Variants in ARHGAP22 observed in about 807,000 individuals in gnomAD.
The protein encoded by ARHGAP22 is rho GTPase-activating protein 22.
A neutral mutation model predicts 59.1 loss-of-function variants in ARHGAP22; 48 were observed. That is an observed-to-expected ratio of 0.81 (90% CI 0.64 to 1.03). The LOEUF is 1.03. Ranked by LOEUF, ARHGAP22 falls within the 50% of genes least tolerant of loss-of-function variation. The probability of loss-of-function intolerance (pLI) is 0.00; values close to 1 mark genes in which losing one functional copy is unlikely to be tolerated. For missense variants in ARHGAP22, 1,015 were observed against 958.7 expected, an observed-to-expected ratio of 1.06 and a Z score of -0.78; for synonymous variants, 445 against 416.4, an observed-to-expected ratio of 1.07 and a Z score of -0.84.
intron 3 of ARHGAP22, among the ~76,000 whole-genome samples, chr10:48,531,561 G>C (rs922310322): frequency 6.6e-6 from 1 of 152,180 alleles, no homozygotes; most frequent in Non-Finnish European, 1.5e-5. Flanking sequence ...CTGACAATGT[G>C]CCAGGCTAAG....
intron 2 of ARHGAP22, among the ~76,000 whole-genome samples, chr10:48,566,163 C>T (rs1420624856): frequency 3.3e-5 from 5 of 152,136 alleles, no homozygotes; most frequent in African/African-American, 7.2e-5. Flanking sequence ...TTCTTTTTAC[C>T]AAGTCTCCTG....
chr10:48,470,260 G>A (rs1589574688), intron 4 of ARHGAP22, among the ~76,000 whole-genome samples: 1 of 152,230 alleles, frequency 6.6e-6, no homozygotes, highest in Non-Finnish European at 1.5e-5. Flanking sequence ...AGTGTTGAAC[G>A]TTAGCGTCCT....
chr10:48,579,613 G>T (rs574366910), intron 2 of ARHGAP22, among the ~76,000 whole-genome samples: 1 of 152,322 alleles, frequency 6.6e-6, no homozygotes, highest in African/African-American at 2.4e-5. Flanking sequence ...CCAGCAAGAT[G>T]GGGAGAGGGG....
At chr10:48,581,850 G>A (rs967662448) in intron 2 of ARHGAP22, among the ~76,000 whole-genome samples, 6 of 152,182 alleles carry the variant, frequency 3.9e-5, no homozygotes, top group Admixed American at 6.5e-5. Flanking sequence ...TGGACAGAAC[G>A]AAGACAGAAA....
At chr10:48,584,276 G>A in intron 1 of ARHGAP22, among the ~76,000 whole-genome samples, 1 of 152,226 alleles carries the variant, frequency 6.6e-6, no homozygotes, top group South Asian at 2.1e-4. Context: ...ACTAGTGACT[G>A]CAGTTCTCTA....
At chr10:48,431,302 C>T in the ARHGAP22 span, 1 of 1,440,122 alleles carries the variant, frequency 6.9e-7, no homozygotes, top group Non-Finnish European at 9.7e-7. Flanking sequence ...GTTAAGATTA[C>T]AGTTTACTTC....
chr10:48,605,182 G>T, upstream of ARHGAP22: 1 of 1,119,592 alleles, frequency 8.9e-7, no homozygotes, highest in Non-Finnish European at 1.1e-6. Flanking sequence ...CCAGAGACGC[G>T]GGGCGCGGTC....
chr10:48,432,845 A>T, the ARHGAP22 span, among the ~76,000 whole-genome samples: 1 of 152,212 alleles, frequency 6.6e-6, no homozygotes, highest in African/African-American at 2.4e-5. Flanking sequence ...CTTTTTCTGG[A>T]TCCTCAGTTA....
chr10:48,558,170 G>A (rs1187748779), intron 2 of ARHGAP22, among the ~76,000 whole-genome samples: 1 of 152,144 alleles, frequency 6.6e-6, no homozygotes, highest in Admixed American at 6.5e-5. Flanking sequence ...GAGAAGAGAT[G>A]CACCATAGTG....
At chr10:48,535,679 T>G (rs542052810) in intron 3 of ARHGAP22, among the ~76,000 whole-genome samples, 1 of 152,270 alleles carries the variant, frequency 6.6e-6, no homozygotes, top group South Asian at 2.1e-4. Flanking sequence ...AGTCAGAACT[T>G]TTGGCACCCA....
chr10:48,464,989 G>A (rs563899403), intron 4 of ARHGAP22, among the ~76,000 whole-genome samples: 2 of 152,228 alleles, frequency 1.3e-5, no homozygotes, highest in South Asian at 2.1e-4. Context: ...TCCTGTGGGA[G>A]GCACCCTGTG....
chr10:48,501,390 G>T (rs893401366), intron 3 of ARHGAP22, among the ~76,000 whole-genome samples: 6 of 152,384 alleles, frequency 3.9e-5, no homozygotes, highest in African/African-American at 1.4e-4. Flanking sequence ...TGTTCCAGGT[G>T]TGTGGGTAAG....
At chr10:48,484,050 C>T (rs1473764155) in intron 3 of ARHGAP22, among the ~76,000 whole-genome samples, 4 of 152,150 alleles carry the variant, frequency 2.6e-5, no homozygotes, top group East Asian at 3.8e-4. Flanking sequence ...TAGTTGATTT[C>T]TGTACAGAGA....
chr10:48,579,673 TCTC>T (rs1302274976), intron 2 of ARHGAP22, among the ~76,000 whole-genome samples: 4 of 152,158 alleles, frequency 2.6e-5, no homozygotes, highest in Non-Finnish European at 5.9e-5. Flanking sequence ...TGGGAGTGAT[TCTC>T]CTCCTGTGTT....
intron 3 of ARHGAP22, among the ~76,000 whole-genome samples, chr10:48,540,450 C>T (rs1483607397): frequency 2.0e-5 from 3 of 152,252 alleles, no homozygotes; most frequent in South Asian, 2.1e-4. Flanking sequence ...AGGCTGGTCT[C>T]GAACTCCTGA....
chr10:48,643,905 G>T (rs6537569), intron 1 of ARHGAP22, among the ~76,000 whole-genome samples: 16,580 of 151,984 alleles, frequency 0.11, 2,924 homozygotes, highest in African/African-American at 0.37. Flanking sequence ...CCCAGCACTT[G>T]GGGAGGCCAA....
At chr10:48,534,690 T>C (rs1037752083) in intron 3 of ARHGAP22, among the ~76,000 whole-genome samples, 2 of 152,228 alleles carry the variant, frequency 1.3e-5, no homozygotes, top group South Asian at 2.1e-4. Flanking sequence ...ATCTCCATTT[T>C]ACAGATGGGG....
In ARHGAP22 at chr10:48,464,747, C is replaced by G. The variant is rs138924492; in HGVS notation, c.452-4856G>C. 1.6e-3 allele frequency among the ~76,000 whole-genome samples: 246 copies of G among 152,254 alleles called. 1 individual carries two copies. Among genetic ancestry groups the G allele is most frequent in the Non-Finnish European group, 2.2e-3 (150 of 68,010 alleles). ...CTGAGGAGAGGAGCTGCCTCCCTTT[C>G]CTGGGGCTCAGTCTCTCCATCTATG... On this transcript the variant is annotated intron_variant, in intron 4 of 9. Coordinates refer to ENST00000249601, the MANE Select transcript of ARHGAP22 (RefSeq NM_021226.4).
intron 1 of ARHGAP22, among the ~76,000 whole-genome samples, chr10:48,615,715 GT>G (rs1589178446): frequency 6.6e-6 from 1 of 152,038 alleles, no homozygotes. Context: ...ATATTTAAAG[GT>G]TTAAGGAAAC....
Sources: gnomAD v4.1 joint callset for allele counts (sites outside exome capture counted in the v4.1 genomes callset) on GRCh38, gnomAD v4.1.1 for gene constraint, MANE v1.5 for transcripts, NCBI Gene and HGNC (gene_info 2026-07-23, HGNC 2026-07-21) for gene names.